SND1: variants seen among roughly 807,000 people sequenced by gnomAD.
The protein encoded by SND1 is staphylococcal nuclease and tudor domain containing 1, also known as staphylococcal nuclease domain-containing protein 1.
Under a neutral mutation model 121.7 loss-of-function variants are expected in SND1, and 38 were observed. The observed-to-expected ratio is 0.31, with a 90% CI of 0.24 to 0.41. The LOEUF is 0.41. Among genes scored for constraint, SND1 ranks in the 10% least tolerant of loss-of-function variants. The pLI is 1.00. For synonymous variants in SND1, 401 were observed against 447.4 expected, an observed-to-expected ratio of 0.90 and a Z score of 1.31; for missense variants, 868 against 1,184.6, an observed-to-expected ratio of 0.73 and a Z score of 3.92.
chr7:128,067,123 T>C (rs3779522), intron 16 of SND1, among the ~76,000 whole-genome samples: 108,687 of 151,986 alleles, frequency 0.72, 40,344 homozygotes, highest in African/African-American at 0.91. Context: ...CTGCCCCCAT[T>C]CTCTGACCTC....
At position 127,686,752 on chromosome 7, in the gene SND1, C is replaced by A. The variant is rs775477940; in HGVS notation, c.218C>A (p.Thr73Asn). The part of the protein sequence containing the change: ...AAATQPDAKD[T>N]PDEPWAFPAR... ...GCCACACAACCTGATGCAAAGGATA[C>A]CCCTGATGAGGTAGGTGTTTCCTGA... The change falls in exon 2 of 24, where the codon ACC (threonine) becomes AAC (asparagine). Residue 73 changes from threonine (T) to asparagine (N), a missense_variant. Physicochemically the swap from Thr to Asn is moderately conservative, Grantham distance 65 (BLOSUM62 0). Around this residue, in one of 2 missense-constraint regions of SND1, gnomAD observed 125 missense variants for 113.3 expected, o/e 1.10. Transcript: ENST00000354725. 22 of 1,613,458 alleles carry A rather than the reference C, an allele frequency of 1.4e-5. No individual in the cohort carries two copies. Among genetic ancestry groups the A allele is most frequent in the Non-Finnish European group, 1.9e-5 (22 of 1,179,554 alleles).
rs747235161 is a variant in SND1 at position 128,085,774 on chromosome 7, C to T, written c.2298C>T (p.Tyr766=). The change falls in exon 20 of 24, where the codon TAC becomes TAT. Residue 766 remains tyrosine, a synonymous_variant. Coordinates refer to ENST00000354725, the MANE Select transcript of SND1 (RefSeq NM_014390.4). The surrounding 1 kb of genome is among the most constrained non-coding windows in gnomAD (Gnocchi z 4.4). ...AAATACATGTCTTCTACATTGACTA[C>T]GGCAACGTGAGTGTTGGGGACCAGA... The part of the protein sequence containing the change: ...PAKIHVFYID[Y]GNREVLPSTR... 31 of 1,613,790 alleles carry T rather than the reference C, an allele frequency of 1.9e-5. No homozygotes were observed. Among genetic ancestry groups the T allele is most frequent in the Non-Finnish European group, 2.6e-5 (31 of 1,179,756 alleles).
At chr7:127,925,427 C>G (rs1054924462) in intron 14 of SND1, among the ~76,000 whole-genome samples, 2 of 152,080 alleles carry the variant, frequency 1.3e-5, no homozygotes, top group African/African-American at 2.4e-5. Context: ...GAATCCCAGA[C>G]CTTATGTAAG....
intron 1 of SND1, among the ~76,000 whole-genome samples, chr7:127,671,083 T>C (rs1433749456): frequency 1.3e-5 from 2 of 152,208 alleles, no homozygotes; most frequent in East Asian, 3.9e-4. Context: ...AGAAGTTGCA[T>C]GTGCATGGAG....
At position 127,742,303 on chromosome 7, in the gene SND1, G is replaced by T. The variant is rs116220954; in HGVS notation, c.1152+20903G>T. Reference sequence around the variant, plus strand: ...AGGGTATTTCTCATTTTCCATTGTGGTGTCACCAAAGGGCAGAATTAGTGT... The same window carrying T: ...AGGGTATTTCTCATTTTCCATTGTGTTGTCACCAAAGGGCAGAATTAGTGT... On this transcript the variant is annotated intron_variant, in intron 10 of 23. Transcript: ENST00000354725. Among the ~76,000 whole-genome samples, 616 of 152,104 alleles carry T rather than the reference G, an allele frequency of 4.0e-3. 8 individuals are homozygous for T. Among genetic ancestry groups the T allele is most frequent in the African/African-American group, 0.014 (580 of 41,502 alleles).
intron 14 of SND1, among the ~76,000 whole-genome samples, chr7:127,926,784 G>C (rs1800852264): frequency 6.7e-6 from 1 of 150,238 alleles, no homozygotes; most frequent in Non-Finnish European, 1.5e-5. Flanking sequence ...GTAGAGACGG[G>C]GTTTCACCGT....
chr7:127,902,398 C>T (rs1487119151), intron 13 of SND1, among the ~76,000 whole-genome samples: 2 of 152,230 alleles, frequency 1.3e-5, no homozygotes, highest in African/African-American at 4.8e-5. Flanking sequence ...AGGAGCTTGT[C>T]TTGCATCACA....
intron 10 of SND1, among the ~76,000 whole-genome samples, chr7:127,802,988 C>T (rs577912677): frequency 1.1e-4 from 17 of 152,312 alleles, no homozygotes; most frequent in Non-Finnish European, 2.1e-4. Flanking sequence ...TGATTTCCTG[C>T]CCAGATTACT....
chr7:128,036,143 A>G (rs140973548), intron 16 of SND1, among the ~76,000 whole-genome samples: 5 of 152,350 alleles, frequency 3.3e-5, no homozygotes, highest in South Asian at 4.1e-4. Flanking sequence ...GTAATAATAA[A>G]AAGTAGGAAT....
At chr7:127,731,698 A>G (rs555953799) in intron 10 of SND1, among the ~76,000 whole-genome samples, 136 of 152,328 alleles carry the variant, frequency 8.9e-4, no homozygotes, top group African/African-American at 3.2e-3. Context: ...AGAGTTCAGG[A>G]GAACAGAAGC....
In SND1 at chr7:127,766,504, G is replaced by A. The variant is rs368295252; in HGVS notation, c.1153-40980G>A. On this transcript the variant is annotated intron_variant, in intron 10 of 23. Coordinates refer to ENST00000354725, the MANE Select transcript of SND1 (RefSeq NM_014390.4). ...TCTTTTCTTATCTTAGGCCGGGCGCGATGGCTCATGCCTTTAATCCCAGCA... is the reference window on the plus strand; with the variant it reads ...TCTTTTCTTATCTTAGGCCGGGCGCAATGGCTCATGCCTTTAATCCCAGCA... 5.9e-5 allele frequency among the ~76,000 whole-genome samples: 9 copies of A among 152,190 alleles called. No individual in the cohort carries two copies. In the East Asian group the frequency reaches 1.2e-3, roughly 20 times the overall value.
In SND1 at chr7:127,693,543, A is replaced by C. The variant is rs542409447; in HGVS notation, c.229-1285A>C. ...CTGGTTTCTTAGAAGTCATATGGAT[A>C]TTTTTCTTCTAGAAAAGCTTGTTGG... On this transcript the variant is annotated intron_variant, in intron 2 of 23. Transcript: ENST00000354725. Among the ~76,000 whole-genome samples, 6 of 152,170 alleles carry C rather than the reference A, an allele frequency of 3.9e-5. No homozygotes were observed. The South Asian group carries it at 1.2e-3, about 32-fold the overall frequency.
At chr7:127,819,173 C>T (rs1027778953) in intron 11 of SND1, among the ~76,000 whole-genome samples, 1 of 152,140 alleles carries the variant, frequency 6.6e-6, no homozygotes, top group Non-Finnish European at 1.5e-5. Flanking sequence ...TTTATTTCTT[C>T]AGGGTGGAAC....
rs1803206772 is a variant in SND1 at position 128,015,521 on chromosome 7, T to C, written c.1779+24465T>C. On this transcript the variant is annotated intron_variant, in intron 16 of 23. Transcript: ENST00000354725. This position sits in a 1 kb window ranked among gnomAD's most constrained non-coding sequence, Gnocchi z 4.5. ...TTTTCCTACCCTTACCTCATTTTAA[T>C]ATAGACTTTGGCAACTTCTCAAAGT... Among the ~76,000 whole-genome samples, 2 of 152,208 alleles carry C rather than the reference T, an allele frequency of 1.3e-5. No individual in the cohort carries two copies. The highest frequency in any genetic ancestry group is 1.3e-4 in the Admixed American group (2 of 15,282).
intron 10 of SND1, among the ~76,000 whole-genome samples, chr7:127,766,501 C>T (rs773494814): frequency 5.9e-5 from 9 of 152,158 alleles, no homozygotes; most frequent in East Asian, 3.9e-4. Context: ...TTAGGCCGGG[C>T]GCGATGGCTC....
At chr7:128,043,329 G>A (rs1164964481) in intron 16 of SND1, among the ~76,000 whole-genome samples, 1 of 152,028 alleles carries the variant, frequency 6.6e-6, no homozygotes, top group African/African-American at 2.4e-5. Context: ...TAATATACAT[G>A]TAATAAGGCC....
At chr7:127,949,128 A>G (rs1405736938) in intron 15 of SND1, 3 of 152,234 alleles carry the variant, frequency 2.0e-5, no homozygotes, top group African/African-American at 7.2e-5. Context: ...TACATGAACA[A>G]TGCAAATGTG....
intron 15 of SND1, among the ~76,000 whole-genome samples, chr7:127,957,035 C>A (rs192303383): frequency 6.6e-6 from 1 of 152,228 alleles, no homozygotes. Context: ...ATTGAGAGGC[C>A]GTCTGAGAAA....
chr7:128,049,764 A>C (rs1196122431), intron 16 of SND1, among the ~76,000 whole-genome samples: 2 of 152,190 alleles, frequency 1.3e-5, no homozygotes, highest in Non-Finnish European at 2.9e-5. Context: ...AATATTATGA[A>C]GAATTATGGG....
Sources: allele counts gnomAD v4.1 joint callset (sites outside exome capture counted in the v4.1 genomes callset), GRCh38; gene constraint gnomAD v4.1.1; regional missense constraint gnomAD v4.1.1; non-coding constraint Gnocchi (gnomAD v3.1); transcripts MANE v1.5; gene names NCBI Gene and HGNC (gene_info 2026-07-23, HGNC 2026-07-21).